HMGB1: variants seen among roughly 807,000 people sequenced by gnomAD.
HMGB1 encodes high mobility group protein B1.
For synonymous variants in HMGB1, 81 were observed against 84.0 expected, an observed-to-expected ratio of 0.96 and a Z score of 0.19; for missense variants, 79 against 253.5, an observed-to-expected ratio of 0.31 and a Z score of 4.67.
At chr13:30,609,275 C>A (rs1950491359) in intron 1 of HMGB1, among the ~76,000 whole-genome samples, 1 of 151,870 alleles carries the variant, frequency 6.6e-6, no homozygotes, top group South Asian at 2.1e-4. Flanking sequence ...AACAAACAAA[C>A]AAAAAACAAA....
At chr13:30,501,366 T>G (rs978788582) in intron 1 of HMGB1, among the ~76,000 whole-genome samples, 3 of 152,142 alleles carry the variant, frequency 2.0e-5, no homozygotes, top group Non-Finnish European at 2.9e-5. Flanking sequence ...TTAGTTTAGT[T>G]TAGAGACAAA....
At chr13:30,568,396 AC>A (rs1281851916) in intron 1 of HMGB1, among the ~76,000 whole-genome samples, 6 of 152,142 alleles carry the variant, frequency 3.9e-5, no homozygotes, top group Non-Finnish European at 8.8e-5. Flanking sequence ...AGTTCCAGCT[AC>A]TTGAGAGGCT....
At chr13:30,519,519 C>T (rs573272525) in intron 1 of HMGB1, among the ~76,000 whole-genome samples, 117 of 146,662 alleles carry the variant, frequency 8.0e-4, no homozygotes, top group African/African-American at 2.7e-3. Flanking sequence ...CACAGTGAAA[C>T]CCTGTCTCTA....
At chr13:30,462,424 A>G (rs1213020005) in intron 4 of HMGB1, 114 bp downstream of exon 4, 1 of 864,784 alleles carries the variant, frequency 1.2e-6, no homozygotes. Flanking sequence ...GACTTATATC[A>G]ACACCATACT....
intron 1 of HMGB1, among the ~76,000 whole-genome samples, chr13:30,599,728 T>C (rs144192929): frequency 1.5e-3 from 233 of 152,298 alleles, no homozygotes; most frequent in Non-Finnish European, 2.7e-3. Flanking sequence ...ACTAGTCATA[T>C]TGGATTAGGG....
upstream of HMGB1, among the ~76,000 whole-genome samples, chr13:30,469,712 C>T (rs1886876224): frequency 6.6e-6 from 1 of 152,118 alleles, no homozygotes; most frequent in African/African-American, 2.4e-5. Flanking sequence ...ATCACTGCAA[C>T]CTCTGCGTCC....
chr13:30,476,264 G>A (rs965000152), intron 1 of HMGB1, among the ~76,000 whole-genome samples: 2 of 151,646 alleles, frequency 1.3e-5, no homozygotes, highest in African/African-American at 2.4e-5. Flanking sequence ...TCAGCCTCCC[G>A]AGTAGTGGGA....
chr13:30,500,855 G>A (rs1887719599), intron 1 of HMGB1, among the ~76,000 whole-genome samples: 1 of 151,946 alleles, frequency 6.6e-6, no homozygotes, highest in South Asian at 2.1e-4. Flanking sequence ...TCCTGAGAAG[G>A]TGGGATGGGG....
chr13:30,567,852 C>T (rs1237969554), intron 1 of HMGB1, among the ~76,000 whole-genome samples: 1 of 152,174 alleles, frequency 6.6e-6, no homozygotes, highest in Non-Finnish European at 1.5e-5. Flanking sequence ...TTGCTCTTTA[C>T]CCAAATGTAG....
chr13:30,514,227 T>C (rs1888053051), intron 1 of HMGB1, among the ~76,000 whole-genome samples: 1 of 151,864 alleles, frequency 6.6e-6, no homozygotes. Context: ...ATGATAATAA[T>C]AGCAATGGCT....
At chr13:30,565,289 T>C (rs758132126) in intron 1 of HMGB1, among the ~76,000 whole-genome samples, 9 of 152,188 alleles carry the variant, frequency 5.9e-5, no homozygotes, top group Non-Finnish European at 1.0e-4. Flanking sequence ...CCCACACATC[T>C]AGATGGTCAC....
intron 1 of HMGB1, chr13:30,464,144 TAAAAA>T (rs5802568): frequency 9.0e-6 from 7 of 779,746 alleles, no homozygotes; most frequent in African/African-American, 1.9e-5. Context: ...TATGGGACCT[TAAAAA>T]AAAAAAATCA....
In HMGB1 at chr13:30,459,660, C is replaced by T. The variant is rs950111253; in HGVS notation, c.*1697G>A. 10 of 152,090 alleles carry T rather than the reference C, an allele frequency of 6.6e-5. No individual in the cohort carries two copies. The highest frequency in any genetic ancestry group is 1.3e-4 in the Non-Finnish European group (9 of 67,984). 9.4% of individuals were successfully genotyped at this position (152,090 alleles called of 1,614,324 possible). A position where few individuals can be genotyped will look rare whatever the true frequency, so the allele number is the denominator to read the frequency against. On this transcript the variant is annotated 3_prime_UTR_variant, in exon 5 of 5. Coordinates refer to ENST00000341423, the MANE Select transcript of HMGB1 (RefSeq NM_002128.7). The stretch of plus-strand genomic sequence containing the variant: ...CTTTATATATAGCACCGAATACTTG[C>T]AATGTTTGACAAAACCTTTTATCAG...
At chr13:30,577,735 T>C (rs1371051461) in intron 1 of HMGB1, among the ~76,000 whole-genome samples, 1 of 152,242 alleles carries the variant, frequency 6.6e-6, no homozygotes, top group Non-Finnish European at 1.5e-5. Context: ...ATAGCAGGGT[T>C]GTTTCAACAA....
At position 30,541,636 on chromosome 13, in the gene HMGB1, C is replaced by CT. The variant is rs146563410; in HGVS notation, c.-15+75034dup. Reference sequence around the variant, plus strand: ...ATTTGGGAGAACAAGGAGTTGACCCCTAAGTAGTCTTCTGCTTCTTGGTAA... The same window carrying CT: ...ATTTGGGAGAACAAGGAGTTGACCCCTTAAGTAGTCTTCTGCTTCTTGGTAA... On this transcript the variant is annotated intron_variant, in intron 1 of 4. Coordinates refer to the HMGB1 transcript ENST00000405805. 1,323 of 154,394 alleles carry CT rather than the reference C, an allele frequency of 8.6e-3. 10 individuals are homozygous for CT. The highest frequency in any genetic ancestry group is 0.015 in the Non-Finnish European group (1,010 of 68,662). 9.6% of individuals were successfully genotyped at this position (154,394 alleles called of 1,614,324 possible). A position where few individuals can be genotyped will look rare whatever the true frequency, so the allele number is the denominator to read the frequency against.
chr13:30,492,569 T>A (rs908174203), intron 1 of HMGB1, among the ~76,000 whole-genome samples: 3 of 152,154 alleles, frequency 2.0e-5, no homozygotes, highest in Non-Finnish European at 2.9e-5. Flanking sequence ...CACAGTGAGA[T>A]GCCACTACAC....
At chr13:30,525,911 G>C (rs1333016316) in intron 1 of HMGB1, among the ~76,000 whole-genome samples, 1 of 152,114 alleles carries the variant, frequency 6.6e-6, no homozygotes, top group Non-Finnish European at 1.5e-5. Flanking sequence ...TGCCCAGGCT[G>C]GTCTGGAGCT....
At chr13:30,466,817 A>G (rs934672605), upstream of HMGB1, among the ~76,000 whole-genome samples, 1 of 152,236 alleles carries the variant, frequency 6.6e-6, no homozygotes, top group African/African-American at 2.4e-5. Context: ...AGAATTAGCA[A>G]ATTCATTAGA....
intron 1 of HMGB1, among the ~76,000 whole-genome samples, chr13:30,474,135 G>A (rs974930450): frequency 6.6e-6 from 1 of 152,142 alleles, no homozygotes; most frequent in Non-Finnish European, 1.5e-5. Flanking sequence ...AGCATGACCT[G>A]GTAAATATGC....
Sources: allele counts gnomAD v4.1 joint callset (sites outside exome capture counted in the v4.1 genomes callset), GRCh38; gene constraint gnomAD v4.1.1; transcripts MANE v1.5; gene names NCBI Gene and HGNC (gene_info 2026-07-23, HGNC 2026-07-21).